ELOA: variants seen among roughly 807,000 people sequenced by gnomAD.
ELOA encodes the protein elongin-A.
A neutral mutation model predicts 85.2 loss-of-function variants in ELOA; 15 were observed. The ratio of observed to expected loss-of-function variants is 0.18; its 90% confidence interval spans 0.12 to 0.27. The LOEUF (loss-of-function observed/expected upper bound fraction) is 0.27. Ranked by LOEUF, ELOA falls within the 10% of genes least tolerant of loss-of-function variation. The pLI is 1.00. For missense variants in ELOA, 769 were observed against 952.7 expected (o/e 0.81, Z 2.54); for synonymous variants, 348 against 357.2 (o/e 0.97, Z 0.29).
chr1:23,752,278 G>A, intron 4 of ELOA, 129 bp from the exon 5 acceptor site: 1 of 891,244 alleles, frequency 1.1e-6, no homozygotes, highest in African/African-American at 1.7e-5. Flanking sequence ...TGTCAGACAT[G>A]ACTGTGGCCC....
At chr1:23,758,734 A>G (rs925788682) in intron 10 of ELOA, among the ~76,000 whole-genome samples, 1 of 151,674 alleles carries the variant, frequency 6.6e-6, no homozygotes, top group Non-Finnish European at 1.5e-5. Context: ...TCCTGGCTTG[A>G]GCTACAGCTA....
intron 1 of ELOA, among the ~76,000 whole-genome samples, chr1:23,748,468 C>T (rs930346421): frequency 2.0e-5 from 3 of 152,142 alleles, no homozygotes; most frequent in African/African-American, 7.2e-5. Flanking sequence ...ATTTTGTGTC[C>T]ACCGTTAACA....
chr1:23,750,714 T>G (rs964790030), intron 3 of ELOA, 131 bp from the exon 4 acceptor site: 7 of 883,192 alleles, frequency 7.9e-6, no homozygotes, highest in Non-Finnish European at 1.2e-5. Context: ...CATAACCTAC[T>G]TATCTTCTTC....
In ELOA at chr1:23,751,251, A is replaced by C; in HGVS notation, c.646A>C (p.Asn216His). The change falls in exon 4 of 11, where the codon AAT becomes CAT. Residue 216 changes from asparagine (N) to histidine (H), a missense_variant. Asn to His is a moderately conservative substitution (Grantham distance 68). Coordinates refer to ENST00000613537, the MANE Select transcript of ELOA (RefSeq NM_003198.3). ...SHQKPGKGHS[N>H]AFQDRLGASQ... ...CCAGAAGCCTGGGAAAGGCCACAGCAATGCCTTTCAGGACAGACTCGGGGC... is the reference window on the plus strand; with the variant it reads ...CCAGAAGCCTGGGAAAGGCCACAGCCATGCCTTTCAGGACAGACTCGGGGC... The C allele has an allele frequency of 6.2e-7, 1 of 1,614,222 alleles. No individual in the cohort carries two copies. The highest frequency in any genetic ancestry group is 1.1e-5 in the South Asian group (1 of 91,088).
chr1:23,758,676 C>CT (rs1167058974), intron 10 of ELOA, among the ~76,000 whole-genome samples: 1 of 150,918 alleles, frequency 6.6e-6, no homozygotes, highest in Non-Finnish European at 1.5e-5. Flanking sequence ...GATGTCCTAA[C>CT]TTAAGTCTTA....
intron 10 of ELOA, among the ~76,000 whole-genome samples, chr1:23,757,998 G>GC (rs1638225293): frequency 6.6e-6 from 1 of 151,516 alleles, no homozygotes; most frequent in South Asian, 2.1e-4. Flanking sequence ...CTGGGATTGT[G>GC]CCACTGCCCT....
chr1:23,756,217 A>G (rs1644794190), intron 8 of ELOA, 57 bp from the exon 9 acceptor site: 1 of 1,492,630 alleles, frequency 6.7e-7, no homozygotes, highest in East Asian at 2.5e-5. Flanking sequence ...TGGATTATTT[A>G]AATAACAGTA....
In ELOA at chr1:23,751,514, CAGAG is replaced by C; in HGVS notation, c.912_915del (p.Glu305AlafsTer4). 6.2e-7 allele frequency: 1 copy of C among 1,614,082 alleles called. No individual in the cohort carries two copies. Among genetic ancestry groups the C allele is most frequent in the Non-Finnish European group, 8.5e-7 (1 of 1,180,034 alleles). ...CTAGTGGCGTAAAGAAAGAGAAGGA[CAGAG>C]AGGGCAGCAGCCTGAAGAAGAAGTG... On this transcript the variant is annotated frameshift_variant, in exon 4 of 11. Coordinates refer to ENST00000613537, the MANE Select transcript of ELOA (RefSeq NM_003198.3). LOFTEE classifies it high-confidence loss of function.
intron 1 of ELOA, among the ~76,000 whole-genome samples, chr1:23,744,826 G>C (rs958517397): frequency 6.6e-6 from 1 of 151,954 alleles, no homozygotes; most frequent in Non-Finnish European, 1.5e-5. Context: ...GGAGGGCTAG[G>C]GCCGTGGGGG....
intron 10 of ELOA, among the ~76,000 whole-genome samples, chr1:23,758,275 T>TTA (rs1638237472): frequency 9.6e-6 from 1 of 103,686 alleles, no homozygotes; most frequent in Non-Finnish European, 2.0e-5. Context: ...TTTTTTTTTT[T>TTA]TTTTTTTTTT....
chr1:23,756,715 T>G (rs1644796093), intron 9 of ELOA, among the ~76,000 whole-genome samples: 1 of 152,256 alleles, frequency 6.6e-6, no homozygotes. Flanking sequence ...CTAAGCCACA[T>G]TAGCCTTTTC....
In ELOA at chr1:23,755,771, C is replaced by T; in HGVS notation, c.1792-72C>T. On this transcript the variant is annotated intron_variant, in intron 7 of 10. Coordinates refer to ENST00000613537, the MANE Select transcript of ELOA (RefSeq NM_003198.3). ...CTGCAGTCTACACGACAGAGCAAGACTCTGTCTCAAAAAAAAAAAAAAAAT... is the reference window on the plus strand; with the variant it reads ...CTGCAGTCTACACGACAGAGCAAGATTCTGTCTCAAAAAAAAAAAAAAAAT... 12 of 1,444,916 alleles carry T rather than the reference C, an allele frequency of 8.3e-6. No individual in the cohort carries two copies. In the South Asian group the frequency reaches 1.5e-4, roughly 19 times the overall value. 89.5% of individuals were successfully genotyped at this position (1,444,916 alleles called of 1,614,324 possible). A position where few individuals can be genotyped will look rare whatever the true frequency, so the allele number is the denominator to read the frequency against.
rs1429539593 is a variant in ELOA, at chr1:23,759,899, T to A, written c.*326T>A. On this transcript the variant is annotated 3_prime_UTR_variant, in exon 11 of 11. Coordinates refer to ENST00000613537, the MANE Select transcript of ELOA (RefSeq NM_003198.3). ...AATAAATATTGCCCCCAGATTGTAT[T>A]TATATTATCCCCCAGGTTTGTTTTT... The A allele has an allele frequency of 7.2e-6, 2 of 279,508 alleles. No individual in the cohort carries two copies. The highest frequency in any genetic ancestry group is 4.5e-5 in the African/African-American group (2 of 44,834). The allele number at this position is 279,508 out of a possible 1,614,324, so 17.3% of individuals were successfully genotyped here.
At chr1:23,745,512 A>C (rs1034271921) in intron 1 of ELOA, among the ~76,000 whole-genome samples, 4 of 142,952 alleles carry the variant, frequency 2.8e-5, no homozygotes, top group Non-Finnish European at 6.2e-5. Context: ...ACTATTAATG[A>C]TTTTTTTTTT....
chr1:23,746,608 C>CAAA (rs55782205), intron 1 of ELOA, among the ~76,000 whole-genome samples: 20 of 68,398 alleles, frequency 2.9e-4, no homozygotes, highest in East Asian at 8.5e-4. Flanking sequence ...ACTCCATCTC[C>CAAA]AAAAAAAAAA....
rs747670548 is a variant in ELOA, at chr1:23,751,788, G to C, written c.1183G>C (p.Asp395His). The change falls in exon 4 of 11, where the codon GAT becomes CAT. Residue 395 changes from aspartate (D) to histidine (H), a missense_variant. Asp to His is a moderately conservative substitution (Grantham distance 81, BLOSUM62 -1). Transcript: ENST00000613537. The part of the protein sequence containing the change: ...LGSLPKVEET[D>H]MEDEFEQPTM... ...CTCCCTCCCTAAAGTTGAGGAGACA[G>C]ATATGGAGGATGAATTCGAGCAGCC... 1 of 1,614,202 alleles carries C rather than the reference G, an allele frequency of 6.2e-7. No individual in the cohort carries two copies. The highest frequency in any genetic ancestry group is 1.7e-5 in the Admixed American group (1 of 60,020).
Position 23,743,533 on chromosome 1 carries a change from G to A in ELOA, c.30G>A (p.Val10=). The A allele has an allele frequency of 6.7e-7, 1 of 1,502,156 alleles. No homozygotes were observed. The highest frequency in any genetic ancestry group is 1.4e-5 in the African/African-American group (1 of 69,206). The allele number at this position is 1,502,156 out of a possible 1,614,324, so 93.1% of individuals were successfully genotyped here. MAAESALQV[V]EKLQARLAAN... ...CGGCGGAGTCGGCGCTCCAAGTTGT[G>A]GAGAAGCTGCAGGCGCGCCTGGCCG... The change falls in exon 1 of 11, where the codon GTG becomes GTA. Residue 10 remains valine (V), a synonymous_variant. Coordinates refer to ENST00000613537, the MANE Select transcript of ELOA (RefSeq NM_003198.3).
Position 23,756,972 on chromosome 1 carries a change from C to A in ELOA, c.2104C>A (p.Pro702Thr). The A allele has an allele frequency of 3.2e-6, 5 of 1,559,536 alleles. No individual in the cohort carries two copies. Among genetic ancestry groups the A allele is most frequent in the Non-Finnish European group, 4.3e-6 (5 of 1,157,106 alleles). ...TTGCAGGATCAAGCCAGCCCCGTAC[C>A]CCATGGGAAGCAGCCATGCTTCCGC... is the stretch of plus-strand genomic sequence containing the variant. ...EKIKIKPAPYPMGSSHASASS... is the reference protein window; with the variant it reads ...EKIKIKPAPYTMGSSHASASS... The change falls in exon 10 of 11, where the codon CCC (proline) becomes ACC (threonine). Residue 702 changes from proline to threonine, a missense_variant. Around this residue, in one of 4 missense-constraint regions of ELOA, gnomAD observed 116 missense variants for 141.0 expected, o/e 0.82. Coordinates refer to ENST00000613537, the MANE Select transcript of ELOA (RefSeq NM_003198.3).
chr1:23,756,893 G>A (rs1246184372), intron 9 of ELOA, 60 bp from the exon 10 acceptor site: 1 of 1,425,978 alleles, frequency 7.0e-7, no homozygotes, highest in Non-Finnish European at 9.2e-7. Context: ...GCTTCAGGCT[G>A]TTCATGCTCA....
Sources: gnomAD v4.1 joint callset for allele counts (sites outside exome capture counted in the v4.1 genomes callset) on GRCh38, gnomAD v4.1.1 for gene constraint, gnomAD v4.1.1 regional missense constraint, MANE v1.5 for transcripts, NCBI Gene and HGNC (gene_info 2026-07-23, HGNC 2026-07-21) for gene names.